SVOP: variants seen among roughly 807,000 people sequenced by gnomAD.
SVOP encodes SV2 related protein, also known as synaptic vesicle 2-related protein.
SVOP carries 17 observed loss-of-function variants against 69.1 expected under a neutral mutation model. The observed-to-expected ratio is 0.25, with a 90% CI of 0.17 to 0.37. The LOEUF (loss-of-function observed/expected upper bound fraction) is 0.37. SVOP is among the 10% of genes least tolerant of loss of function. SVOP has a pLI of 1.00. For synonymous variants in SVOP, 238 were observed against 238.6 expected (o/e 1.00, Z 0.02); for missense variants, 435 against 597.5 (o/e 0.73, Z 2.84).
intron 1 of SVOP, among the ~76,000 whole-genome samples, chr12:109,000,192 A>G (rs1299443806): frequency 6.6e-6 from 1 of 152,208 alleles, no homozygotes. Context: ...CCTCTACGCA[A>G]ATAAACTAGA....
intron 11 of SVOP, 74 bp downstream of exon 11, chr12:108,934,121 G>A: frequency 7.7e-7 from 1 of 1,303,040 alleles, no homozygotes; most frequent in Non-Finnish European, 1.1e-6. Flanking sequence ...GCCTGGGGTG[G>A]GAGTGTGTGC....
chr12:109,014,978 G>A (rs1268590014), intron 1 of SVOP, among the ~76,000 whole-genome samples: 2 of 152,136 alleles, frequency 1.3e-5, no homozygotes, highest in Non-Finnish European at 2.9e-5. Flanking sequence ...TCTCGCATTG[G>A]TCTCCCAAAG....
At chr12:108,954,609 T>C (rs925247762) in intron 6 of SVOP, among the ~76,000 whole-genome samples, 2 of 152,100 alleles carry the variant, frequency 1.3e-5, no homozygotes, top group Non-Finnish European at 2.9e-5. Context: ...TGTTTTGGGG[T>C]GTGATTTTCT....
intron 1 of SVOP, among the ~76,000 whole-genome samples, chr12:109,016,752 T>A (rs1012760246): frequency 6.6e-6 from 1 of 151,250 alleles, no homozygotes; most frequent in African/African-American, 2.4e-5. Flanking sequence ...TTCTTTTTTT[T>A]TTTTTTTTGA....
At chr12:108,982,839 TCATCATCATCACTATCATCACCAC>T (rs2040147160) in intron 2 of SVOP, among the ~76,000 whole-genome samples, 19 of 105,416 alleles carry the variant, frequency 1.8e-4, no homozygotes, top group Admixed American at 3.9e-4. Context: ...ACTGTCACCA[TCATCATCATCACTATCATCACCAC>T]CATCATCATC....
intron 11 of SVOP, among the ~76,000 whole-genome samples, chr12:108,925,216 C>T (rs79799245): frequency 0.029 from 4,398 of 152,256 alleles, 220 homozygotes; most frequent in African/African-American, 0.1. Context: ...TCCAGGAGGT[C>T]GGATCTTCAG....
chr12:108,967,178 T>C (rs2040050139), intron 5 of SVOP, among the ~76,000 whole-genome samples: 1 of 152,162 alleles, frequency 6.6e-6, no homozygotes, highest in Admixed American at 6.6e-5. Flanking sequence ...ATTTCACTTG[T>C]CCAAATGAGC....
intron 1 of SVOP, among the ~76,000 whole-genome samples, chr12:109,006,429 T>G (rs570013331): frequency 2.0e-5 from 3 of 152,188 alleles, no homozygotes; most frequent in East Asian, 1.9e-4. Context: ...TGTGAGCCAT[T>G]GACAAGATAT....
At chr12:109,012,989 T>C (rs1011194760) in intron 1 of SVOP, among the ~76,000 whole-genome samples, 6 of 152,218 alleles carry the variant, frequency 3.9e-5, no homozygotes, top group African/African-American at 1.4e-4. Flanking sequence ...TGTCTGGTCT[T>C]TCCAGGTAGA....
At chr12:108,975,273 T>C (rs923213619) in intron 4 of SVOP, among the ~76,000 whole-genome samples, 2 of 152,160 alleles carry the variant, frequency 1.3e-5, no homozygotes, top group Non-Finnish European at 2.9e-5. Flanking sequence ...GCAGCAAAAA[T>C]GTGCATCTGT....
At chr12:108,935,469 T>C (rs1482506397) in intron 10 of SVOP, among the ~76,000 whole-genome samples, 1 of 152,132 alleles carries the variant, frequency 6.6e-6, no homozygotes, top group Non-Finnish European at 1.5e-5. Flanking sequence ...TGCTCAAAGG[T>C]GGGTATTCTC....
intron 1 of SVOP, among the ~76,000 whole-genome samples, chr12:109,007,547 A>T (rs1002656186): frequency 2.0e-5 from 3 of 152,350 alleles, no homozygotes; most frequent in Non-Finnish European, 2.9e-5. Flanking sequence ...AAGTCGAGAG[A>T]TGAAAATGGC....
At chr12:108,979,658 G>C (rs2040126232) in intron 2 of SVOP, among the ~76,000 whole-genome samples, 2 of 152,324 alleles carry the variant, frequency 1.3e-5, no homozygotes, top group African/African-American at 4.8e-5. Flanking sequence ...AGCTGTCTTT[G>C]TGATAAAATG....
At chr12:108,925,922 CTTT>C (rs796267674) in intron 11 of SVOP, among the ~76,000 whole-genome samples, 1 of 143,532 alleles carries the variant, frequency 7.0e-6, no homozygotes, top group Non-Finnish European at 1.5e-5. Flanking sequence ...CATTCCTGAC[CTTT>C]TTTTTTTTTT....
chr12:108,959,338 T>G (rs2040003441), intron 6 of SVOP, among the ~76,000 whole-genome samples: 1 of 143,784 alleles, frequency 7.0e-6, no homozygotes, highest in African/African-American at 2.5e-5. Flanking sequence ...CTGTCCAACC[T>G]CAGCTTTTAA....
chr12:108,933,274 G>C (rs1201597014), intron 11 of SVOP, among the ~76,000 whole-genome samples: 1 of 152,130 alleles, frequency 6.6e-6, no homozygotes, highest in Non-Finnish European at 1.5e-5. Flanking sequence ...CTACTTTGGG[G>C]GCTGAAGTAG....
At chr12:108,937,002 C>T (rs2039860428) in intron 10 of SVOP, 3 of 438,290 alleles carry the variant, frequency 6.8e-6, no homozygotes, top group South Asian at 2.4e-5. Context: ...TTCAAGGCTG[C>T]AGTAAGCTAG....
chr12:108,945,843 A>C (rs528603496), intron 6 of SVOP, among the ~76,000 whole-genome samples: 10 of 152,242 alleles, frequency 6.6e-5, no homozygotes, highest in Non-Finnish European at 1.2e-4. Context: ...CTGTCCCATC[A>C]CTGGTGACAT....
chr12:108,952,714 C>T (rs1593188831), intron 6 of SVOP, among the ~76,000 whole-genome samples: 1 of 152,102 alleles, frequency 6.6e-6, no homozygotes, highest in African/African-American at 2.4e-5. Context: ...TAAAAATTAG[C>T]TGGGCGTGGT....
Sources: allele counts gnomAD v4.1 joint callset (sites outside exome capture counted in the v4.1 genomes callset), GRCh38; gene constraint gnomAD v4.1.1; transcripts MANE v1.5; gene names NCBI Gene and HGNC (gene_info 2026-07-23, HGNC 2026-07-21).